Variants in GSG1L observed in about 807,000 individuals in gnomAD.
The protein encoded by GSG1L is GSG1 like, also known as germ cell-specific gene 1-like protein.
GSG1L carries 24 observed loss-of-function variants against 42.1 expected under a neutral mutation model. That is an observed-to-expected ratio of 0.57 (90% CI 0.41 to 0.80). The LOEUF (loss-of-function observed/expected upper bound fraction) is 0.80. GSG1L is among the 30% of genes least tolerant of loss of function. GSG1L has a pLI of 0.00. For missense variants in GSG1L, 445 were observed against 472.2 expected (o/e 0.94, Z 0.53); for synonymous variants, 215 against 203.5 (o/e 1.06, Z -0.48).
chr16:27,989,398 T>C (rs2085428374), intron 1 of GSG1L, among the ~76,000 whole-genome samples: 1 of 152,180 alleles, frequency 6.6e-6, no homozygotes, highest in Admixed American at 6.5e-5. Context: ...ACATAACAAA[T>C]AGGCCCCTGA....
chr16:27,803,766 CATATATATATAT>C lies in GSG1L; in HGVS notation c.898+3709_898+3720del, dbSNP rs3047681. Among the ~76,000 whole-genome samples the C allele has an allele frequency of 9.5e-3, 1,121 of 117,894 alleles. 24 individuals carry two copies. The highest frequency in any genetic ancestry group is 0.03 in the African/African-American group (947 of 31,354). The allele number at this position is 117,894 out of a possible 152,430, so 77.3% of individuals were successfully genotyped here. A position where few individuals can be genotyped will look rare whatever the true frequency, so the allele number is the denominator to read the frequency against. ...TCTGATCCTTTTCCCACAGTGCAGA[CATATATATATAT>C]ATATATATATATATATAGATAGATA... On this transcript the variant is annotated intron_variant, in intron 6 of 6. Transcript: ENST00000447459.
At chr16:27,870,327 TCTCC>T (rs1182614191) in intron 3 of GSG1L, among the ~76,000 whole-genome samples, 1 of 148,328 alleles carries the variant, frequency 6.7e-6, no homozygotes, top group Non-Finnish European at 1.5e-5. Flanking sequence ...TCTGTCTCTG[TCTCC>T]CTCCATCTGT....
chr16:27,968,342 T>G (rs538994029), intron 1 of GSG1L, among the ~76,000 whole-genome samples: 92 of 152,176 alleles, frequency 6.0e-4, no homozygotes, highest in Non-Finnish European at 7.2e-4. Context: ...CTTGAACTCC[T>G]GGGTTCAAGT....
chr16:28,063,466 TC>T lies in GSG1L; in HGVS notation c.-43del. Reference sequence around the variant, plus strand: ...GGACGGGACTGCACCGCCGGGGAGCTCCGCGCGCGAAGTTGGCAGCTGGCGC... The same window carrying T: ...GGACGGGACTGCACCGCCGGGGAGCTCGCGCGCGAAGTTGGCAGCTGGCGC... On this transcript the variant is annotated 5_prime_UTR_variant, in exon 1 of 7. Transcript: ENST00000447459. The surrounding 1 kb of genome is among the most constrained non-coding windows in gnomAD (Gnocchi z 5.8). 3.5e-6 allele frequency: 4 copies of T among 1,133,642 alleles called. No individual in the cohort carries two copies. The highest frequency in any genetic ancestry group is 4.3e-6 in the Non-Finnish European group (4 of 923,336). 70.2% of individuals were successfully genotyped at this position (1,133,642 alleles called of 1,614,324 possible). A position where few individuals can be genotyped will look rare whatever the true frequency, so the allele number is the denominator to read the frequency against.
chr16:27,853,544 C>G (rs2083539953), intron 3 of GSG1L, among the ~76,000 whole-genome samples: 1 of 152,184 alleles, frequency 6.6e-6, no homozygotes, highest in South Asian at 2.1e-4. Flanking sequence ...TCAGCAATTA[C>G]TGAGGTGCCC....
intron 1 of GSG1L, among the ~76,000 whole-genome samples, chr16:28,052,539 G>A (rs766796251): frequency 4.6e-5 from 7 of 152,250 alleles, no homozygotes; most frequent in Non-Finnish European, 8.8e-5. Flanking sequence ...AGGATGGTCC[G>A]TGCCACTTCT....
intron 1 of GSG1L, among the ~76,000 whole-genome samples, chr16:27,967,142 C>T (rs1236521133): frequency 5.3e-5 from 8 of 152,324 alleles, no homozygotes; most frequent in East Asian, 1.9e-4. Context: ...AGAGTCAAAA[C>T]GATCTAGAAG....
intron 2 of GSG1L, among the ~76,000 whole-genome samples, chr16:27,946,651 GA>G (rs1567530071): frequency 0.022 from 698 of 32,200 alleles, 40 homozygotes; most frequent in African/African-American, 0.072. Flanking sequence ...AAGAAAGAAA[GA>G]AAGAAAAGAA....
At chr16:28,039,689 G>A (rs551162350) in intron 1 of GSG1L, among the ~76,000 whole-genome samples, 69 of 149,296 alleles carry the variant, frequency 4.6e-4, no homozygotes, top group Middle Eastern at 3.6e-3. Flanking sequence ...ACACATGCAC[G>A]CGCACTACAC....
intron 3 of GSG1L, among the ~76,000 whole-genome samples, chr16:27,868,110 C>T (rs1438333680): frequency 2.0e-5 from 3 of 152,262 alleles, no homozygotes; most frequent in African/African-American, 7.2e-5. Context: ...TGGGGCCAGG[C>T]TCATTTGTAT....
chr16:28,019,202 G>C (rs890719661), intron 1 of GSG1L, among the ~76,000 whole-genome samples: 2 of 152,164 alleles, frequency 1.3e-5, no homozygotes, highest in African/African-American at 4.8e-5. Flanking sequence ...ATCAGCACAA[G>C]ATACAGGTCA....
intron 1 of GSG1L, among the ~76,000 whole-genome samples, chr16:28,033,286 C>T (rs2085988835): frequency 6.6e-6 from 1 of 152,226 alleles, no homozygotes; most frequent in Non-Finnish European, 1.5e-5. Context: ...AGGAGATCAG[C>T]TCCCCATCTA....
At chr16:28,047,951 G>T (rs535451534) in intron 1 of GSG1L, among the ~76,000 whole-genome samples, 1 of 151,736 alleles carries the variant, frequency 6.6e-6, no homozygotes, top group African/African-American at 2.4e-5. Flanking sequence ...GGGTGCAGTG[G>T]TTCACGCTTG....
At chr16:28,010,384 A>G (rs2085702605) in intron 1 of GSG1L, among the ~76,000 whole-genome samples, 1 of 152,192 alleles carries the variant, frequency 6.6e-6, no homozygotes, top group South Asian at 2.1e-4. Flanking sequence ...TAGAGACAGC[A>G]TGCACTGTGG....
chr16:27,853,368 C>T (rs2083537779), intron 3 of GSG1L, among the ~76,000 whole-genome samples: 1 of 152,204 alleles, frequency 6.6e-6, no homozygotes, highest in Admixed American at 6.5e-5. Context: ...TCTTGAGAAC[C>T]CGAAGCCTCT....
At chr16:27,995,792 G>A (rs1203732200) in intron 1 of GSG1L, among the ~76,000 whole-genome samples, 9 of 151,786 alleles carry the variant, frequency 5.9e-5, no homozygotes, top group African/African-American at 9.7e-5. Flanking sequence ...GATTACAGGC[G>A]TGTACCACCG....
chr16:27,890,417 G>C (rs559499640), intron 2 of GSG1L, among the ~76,000 whole-genome samples: 3 of 152,194 alleles, frequency 2.0e-5, no homozygotes, highest in Non-Finnish European at 4.4e-5. Context: ...ATGCTGAGAG[G>C]AGAGTGAAGA....
Position 27,860,728 on chromosome 16 carries a change from G to T in GSG1L, c.551-15667C>A, listed in dbSNP as rs551526264. On this transcript the variant is annotated intron_variant, in intron 3 of 6. Coordinates refer to ENST00000447459, the MANE Select transcript of GSG1L (RefSeq NM_001109763.2). ...TCTGCAGCCAAACAGCCTTCTGCAG[G>T]GAGGGGCTGGGAGTCCAGGGAGACA... Among the ~76,000 whole-genome samples the T allele has an allele frequency of 2.2e-4, 33 of 152,348 alleles. 1 individual carries two copies. The South Asian group carries it at 6.8e-3, about 32-fold the overall frequency.
chr16:27,814,869 G>T (rs1332736785), intron 5 of GSG1L, among the ~76,000 whole-genome samples: 2 of 152,180 alleles, frequency 1.3e-5, no homozygotes, highest in African/African-American at 2.4e-5. Flanking sequence ...AATTTCCTTT[G>T]ATTTGAACTG....
Sources: allele counts gnomAD v4.1 joint callset (sites outside exome capture counted in the v4.1 genomes callset), GRCh38; gene constraint gnomAD v4.1.1; non-coding constraint Gnocchi (gnomAD v3.1); transcripts MANE v1.5; gene names NCBI Gene and HGNC (gene_info 2026-07-23, HGNC 2026-07-21).